MTA1: variants seen among roughly 807,000 people sequenced by gnomAD.
The protein encoded by MTA1 is metastasis-associated protein MTA1.
Under a neutral mutation model 97.0 loss-of-function variants are expected in MTA1, and 15 were observed. That is an observed-to-expected ratio of 0.15 (90% confidence interval 0.10 to 0.24). The LOEUF (loss-of-function observed/expected upper bound fraction) is 0.24. Among genes scored for constraint, MTA1 ranks in the 10% least tolerant of loss-of-function variants. MTA1 has a pLI of 1.00. For synonymous variants in MTA1, 435 were observed against 417.5 expected (o/e 1.04, Z -0.51); for missense variants, 709 against 1,015.1 (o/e 0.70, Z 4.10).
chr14:105,444,622 C>T (rs1441204548), intron 2 of MTA1, among the ~76,000 whole-genome samples: 4 of 151,974 alleles, frequency 2.6e-5, no homozygotes, highest in African/African-American at 9.7e-5. Context: ...AAAACCCTGT[C>T]TCTACTGAAA....
At chr14:105,438,278 C>T (rs1277757486) in intron 1 of MTA1, among the ~76,000 whole-genome samples, 1 of 152,112 alleles carries the variant, frequency 6.6e-6, no homozygotes, top group Non-Finnish European at 1.5e-5. Context: ...GGAAGGTGTC[C>T]TGGGGCTCCC....
chr14:105,450,665 CT>C (rs1474248307), intron 6 of MTA1, among the ~76,000 whole-genome samples: 1 of 152,154 alleles, frequency 6.6e-6, no homozygotes, highest in Non-Finnish European at 1.5e-5. Context: ...GGAGTCTTGG[CT>C]GGTCTCTCCT....
rs1555420522 is a variant in MTA1, at chr14:105,420,254, A to G, written c.28+191A>G. Reference sequence around the variant, plus strand: ...CAAAATGGCCCCGCGGGTCGGCCCCATCGGGGGCGGGCGGGGCTCGGCGGC... The same window carrying G: ...CAAAATGGCCCCGCGGGTCGGCCCCGTCGGGGGCGGGCGGGGCTCGGCGGC... On this transcript the variant is annotated intron_variant, in intron 1 of 20. Coordinates refer to ENST00000331320, the MANE Select transcript of MTA1 (RefSeq NM_004689.4). The surrounding 1 kb of genome is among the most constrained non-coding windows in gnomAD (Gnocchi z 5.3). 7.0e-6 allele frequency among the ~76,000 whole-genome samples: 1 copy of G among 143,722 alleles called. No individual in the cohort carries two copies. The highest frequency in any genetic ancestry group is 1.5e-5 in the Non-Finnish European group (1 of 65,108). The allele number at this position is 143,722 out of a possible 152,430, so 94.3% of individuals were successfully genotyped here. A position where few individuals can be genotyped will look rare whatever the true frequency, so the allele number is the denominator to read the frequency against.
intron 1 of MTA1, among the ~76,000 whole-genome samples, chr14:105,423,313 C>T (rs2081909411): frequency 6.6e-6 from 1 of 151,012 alleles, no homozygotes. Flanking sequence ...TCCGCCTCCC[C>T]GGCCCAAGCG....
At position 105,449,871 on chromosome 14, in the gene MTA1, G is replaced by A. The variant is rs2082855025; in HGVS notation, c.242-187G>A. ...ACGTGGGCACCAGAGTGTCTGCAGG[G>A]GTACCTGCCAAGGAGCCGCCGGGCC... On this transcript the variant is annotated intron_variant, in intron 4 of 20. Coordinates refer to ENST00000331320, the MANE Select transcript of MTA1 (RefSeq NM_004689.4). 2.0e-5 allele frequency among the ~76,000 whole-genome samples: 3 copies of A among 152,314 alleles called. No homozygotes were observed. The East Asian group carries it at 5.8e-4, about 29-fold the overall frequency.
At chr14:105,466,786 G>C in intron 18 of MTA1, 44 bp downstream of exon 18, 1 of 1,529,194 alleles carries the variant, frequency 6.5e-7, no homozygotes, top group Non-Finnish European at 8.8e-7. Context: ...GGCCCCGCCC[G>C]TGATGCCTGT....
Position 105,419,918 on chromosome 14 carries a change from G to A in MTA1, c.-118G>A, listed in dbSNP as rs2081767164. The stretch of plus-strand genomic sequence containing the variant: ...CGGCGGCGGCGGCGGCGGCAGCAGC[G>A]CGGCCCCTTTAAACGCCTGCGGCGC... On this transcript the variant is annotated 5_prime_UTR_variant, in exon 1 of 21. Coordinates refer to ENST00000331320, the MANE Select transcript of MTA1 (RefSeq NM_004689.4). The A allele has an allele frequency of 7.1e-6, 2 of 279,826 alleles. No homozygotes were observed. Among genetic ancestry groups the A allele is most frequent in the Non-Finnish European group, 1.1e-5 (2 of 187,394 alleles). 17.3% of individuals were successfully genotyped at this position (279,826 alleles called of 1,614,324 possible).
At chr14:105,453,736 G>C (rs782647034) in intron 6 of MTA1, among the ~76,000 whole-genome samples, 1 of 151,748 alleles carries the variant, frequency 6.6e-6, no homozygotes, top group Admixed American at 6.6e-5. Context: ...GCTTGAACCC[G>C]GGAAACGGAG....
At position 105,463,064 on chromosome 14, in the gene MTA1, A is replaced by G; in HGVS notation, c.943-120A>G. 2 of 970,744 alleles carry G rather than the reference A, an allele frequency of 2.1e-6. No individual in the cohort carries two copies. Among genetic ancestry groups the G allele is most frequent in the South Asian group, 2.9e-5 (2 of 69,004 alleles). The allele number at this position is 970,744 out of a possible 1,614,324, so 60.1% of individuals were successfully genotyped here. A position where few individuals can be genotyped will look rare whatever the true frequency, so the allele number is the denominator to read the frequency against. ...GGCCTGGCCTCCGTGCACCAAGCACACCTCGCCCTCTGGCCTCCCGCCCCC... is the reference window on the plus strand; with the variant it reads ...GGCCTGGCCTCCGTGCACCAAGCACGCCTCGCCCTCTGGCCTCCCGCCCCC... On this transcript the variant is annotated intron_variant, in intron 10 of 20. Coordinates refer to ENST00000331320, the MANE Select transcript of MTA1 (RefSeq NM_004689.4). The surrounding 1 kb of genome is among the most constrained non-coding windows in gnomAD (Gnocchi z 5.9).
intron 1 of MTA1, among the ~76,000 whole-genome samples, chr14:105,433,120 A>T (rs2082227985): frequency 6.6e-6 from 1 of 152,196 alleles, no homozygotes; most frequent in Admixed American, 6.5e-5. Flanking sequence ...CGCAGACTCA[A>T]ATCAGCAAAG....
chr14:105,468,322 T>C, intron 18 of MTA1: 2 of 1,304,342 alleles, frequency 1.5e-6, no homozygotes, highest in African/African-American at 1.5e-5. Flanking sequence ...CCCTCTGCTG[T>C]CCACCGCTCT....
chr14:105,469,516 T>A lies in MTA1; in HGVS notation c.1845+18T>A. On this transcript the variant is annotated intron_variant, in intron 19 of 20. Transcript: ENST00000331320. The stretch of plus-strand genomic sequence containing the variant: ...GGCACATGGTAAGAGGAACAACCCA[T>A]GATGGGGTACGGTGCGCTCACCCAT... 6.2e-7 allele frequency: 1 copy of A among 1,612,074 alleles called. No individual in the cohort carries two copies. Among genetic ancestry groups the A allele is most frequent in the Non-Finnish European group, 8.5e-7 (1 of 1,179,256 alleles).
intron 1 of MTA1, among the ~76,000 whole-genome samples, chr14:105,434,915 C>T (rs782096095): frequency 6.6e-6 from 1 of 152,210 alleles, no homozygotes; most frequent in Non-Finnish European, 1.5e-5. Context: ...GTCACATCAT[C>T]TGCGTATAGA....
chr14:105,421,519 G>A (rs1222213133), intron 1 of MTA1, among the ~76,000 whole-genome samples: 1 of 152,200 alleles, frequency 6.6e-6, no homozygotes, highest in Non-Finnish European at 1.5e-5. Context: ...GTTGGGGGTG[G>A]GGAGTGGTGG....
intron 1 of MTA1, among the ~76,000 whole-genome samples, chr14:105,428,181 T>TGG (rs2082068829): frequency 2.0e-5 from 3 of 152,242 alleles, no homozygotes; most frequent in South Asian, 2.1e-4. Context: ...GTCAGCCCCC[T>TGG]CTTCTCCCCC....
At chr14:105,428,482 G>C (rs1433350396) in intron 1 of MTA1, among the ~76,000 whole-genome samples, 8 of 152,062 alleles carry the variant, frequency 5.3e-5, no homozygotes, top group Non-Finnish European at 8.8e-5. Flanking sequence ...TGTCTAGGCT[G>C]GTCTCGAACT....
At chr14:105,461,991 G>A (rs1229155009) in intron 10 of MTA1, among the ~76,000 whole-genome samples, 1 of 152,276 alleles carries the variant, frequency 6.6e-6, no homozygotes, top group Non-Finnish European at 1.5e-5. Flanking sequence ...AGACCAGGGC[G>A]GAATTTGAGG....
chr14:105,469,819 A>C, intron 19 of MTA1, 22 bp from the exon 20 acceptor site: 1 of 1,591,798 alleles, frequency 6.3e-7, no homozygotes, highest in Non-Finnish European at 8.5e-7. Flanking sequence ...CTGGCTGCCC[A>C]GGAAGTGCAC....
chr14:105,462,199 C>A (rs1001625885), intron 10 of MTA1, among the ~76,000 whole-genome samples: 1 of 23,258 alleles, frequency 4.3e-5, no homozygotes, highest in Non-Finnish European at 9.0e-5. Flanking sequence ...GAGCAGGCCC[C>A]GCTCTCCTTC....
Sources: allele counts gnomAD v4.1 joint callset (sites outside exome capture counted in the v4.1 genomes callset), GRCh38; gene constraint gnomAD v4.1.1; non-coding constraint Gnocchi (gnomAD v3.1); transcripts MANE v1.5; gene names NCBI Gene and HGNC (gene_info 2026-07-23, HGNC 2026-07-21).